ANO3: variants seen among roughly 807,000 people sequenced by gnomAD.
ANO3 encodes the protein anoctamin 3.
A neutral mutation model predicts 144.8 loss-of-function variants in ANO3; 99 were observed. That is an observed-to-expected ratio of 0.68 (90% CI 0.58 to 0.81). The LOEUF (loss-of-function observed/expected upper bound fraction) is 0.81, where lower values mean the gene tolerates loss of function less well. Among genes scored for constraint, ANO3 ranks in the 30% least tolerant of loss-of-function variants. The probability of loss-of-function intolerance (pLI) is 0.00; values close to 1 mark genes in which losing one functional copy is unlikely to be tolerated. For missense variants in ANO3, 905 were observed against 1,202.2 expected, an observed-to-expected ratio of 0.75 and a Z score of 3.66; for synonymous variants, 414 against 392.6, an observed-to-expected ratio of 1.05 and a Z score of -0.64.
chr11:26,582,710 T>C (rs1230209109), intron 14 of ANO3, among the ~76,000 whole-genome samples: 1 of 152,168 alleles, frequency 6.6e-6, no homozygotes, highest in Non-Finnish European at 1.5e-5. Context: ...GTGACTTTTA[T>C]TTTCTTCTTT....
intron 4 of ANO3, among the ~76,000 whole-genome samples, chr11:26,481,661 G>A (rs901371990): frequency 2.6e-5 from 4 of 152,106 alleles, no homozygotes; most frequent in Non-Finnish European, 4.4e-5. Context: ...TTCAAGTATT[G>A]CATGGAGATG....
At chr11:26,423,309 C>CTGTT (rs1554952357) in intron 1 of ANO3, among the ~76,000 whole-genome samples, 9 of 135,172 alleles carry the variant, frequency 6.7e-5, no homozygotes, top group African/African-American at 2.3e-4. Flanking sequence ...TACCTTTATA[C>CTGTT]TTTTTTTTTT....
At chr11:26,638,029 A>G (rs1373474345) in intron 20 of ANO3, among the ~76,000 whole-genome samples, 1 of 152,066 alleles carries the variant, frequency 6.6e-6, no homozygotes, top group East Asian at 1.9e-4. Flanking sequence ...TTGAAAATCT[A>G]AAAAAGCAGA....
chr11:26,292,838 T>C (rs10767517), intron 1 of ANO3, among the ~76,000 whole-genome samples: 38,045 of 152,056 alleles, frequency 0.25, 6,831 homozygotes, highest in African/African-American at 0.51. Flanking sequence ...AGTTGTCAGT[T>C]GGCCCCTACT....
intron 3 of ANO3, among the ~76,000 whole-genome samples, chr11:26,454,031 G>A (rs1422364933): frequency 6.6e-6 from 1 of 151,962 alleles, no homozygotes; most frequent in African/African-American, 2.4e-5. Flanking sequence ...AAACCAACGA[G>A]AACAAAGACA....
intron 1 of ANO3, among the ~76,000 whole-genome samples, chr11:26,284,826 A>C (rs1480631393): frequency 3.3e-5 from 5 of 152,154 alleles, no homozygotes; most frequent in African/African-American, 1.2e-4. Flanking sequence ...GATGACGTGA[A>C]CCTGGGAGGC....
rs72883212 is a variant in ANO3 at position 26,659,954 on chromosome 11, G to A, written c.2764-308G>A. On this transcript the variant is annotated intron_variant, in intron 26 of 26. Coordinates refer to ENST00000256737, the MANE Select transcript of ANO3 (RefSeq NM_031418.4). The stretch of plus-strand genomic sequence containing the variant: ...TCATCTGTGTGTAACAATTCATGTC[G>A]TAATAATATTTCATAATATGTAAAG... Among the ~76,000 whole-genome samples the A allele has an allele frequency of 0.024, 3,714 of 152,112 alleles. 54 individuals carry two copies. Among genetic ancestry groups the A allele is most frequent in the South Asian group, 0.044 (211 of 4,824 alleles).
intron 1 of ANO3, among the ~76,000 whole-genome samples, chr11:26,410,140 T>C (rs1365550169): frequency 6.6e-6 from 1 of 151,976 alleles, no homozygotes; most frequent in African/African-American, 2.4e-5. Context: ...TAAGTATGCA[T>C]TCAGTGTCTA....
intron 4 of ANO3, among the ~76,000 whole-genome samples, chr11:26,502,961 C>T (rs575877916): frequency 5.9e-5 from 9 of 151,896 alleles, no homozygotes; most frequent in Non-Finnish European, 1.2e-4. Context: ...AAATCTCTAC[C>T]ACTATTTTGC....
intron 1 of ANO3, among the ~76,000 whole-genome samples, chr11:26,248,620 G>T (rs565212273): frequency 2.0e-4 from 31 of 152,178 alleles, no homozygotes; most frequent in Non-Finnish European, 3.7e-4. Context: ...TAGCAGAAAT[G>T]AATTGGATTA....
chr11:26,451,537 G>T (rs1264509414), intron 3 of ANO3, among the ~76,000 whole-genome samples: 1 of 152,202 alleles, frequency 6.6e-6, no homozygotes, highest in Non-Finnish European at 1.5e-5. Flanking sequence ...TGGGGGAGGA[G>T]CGCCCGCCAT....
intron 26 of ANO3, among the ~76,000 whole-genome samples, chr11:26,659,560 A>G (rs1417539993): frequency 1.3e-5 from 2 of 151,926 alleles, no homozygotes; most frequent in Admixed American, 6.6e-5. Context: ...ATCCAGGTGT[A>G]GTGGCAGGCA....
chr11:26,344,175 TG>T (rs1855438585), intron 1 of ANO3, among the ~76,000 whole-genome samples: 1 of 152,024 alleles, frequency 6.6e-6, no homozygotes, highest in Non-Finnish European at 1.5e-5. Context: ...ATTCATGGAG[TG>T]AAAGTATGGA....
intron 1 of ANO3, among the ~76,000 whole-genome samples, chr11:26,400,857 T>TAG (rs1303158997): frequency 2.0e-5 from 3 of 150,660 alleles, no homozygotes; most frequent in African/African-American, 7.3e-5. Flanking sequence ...TATATATATA[T>TAG]AGACACACAC....
At chr11:26,255,215 A>C (rs772350459) in intron 1 of ANO3, among the ~76,000 whole-genome samples, 10 of 152,200 alleles carry the variant, frequency 6.6e-5, no homozygotes, top group African/African-American at 1.2e-4. Context: ...TCCTCAGGCA[A>C]CAAAGGCATT....
intron 3 of ANO3, among the ~76,000 whole-genome samples, chr11:26,449,787 G>A (rs1274727049): frequency 6.6e-6 from 1 of 150,508 alleles, no homozygotes; most frequent in Non-Finnish European, 1.5e-5. Context: ...GTATTTTGCT[G>A]TTGTTGCCCA....
exon 1 of ANO3, chr11:26,189,090 A>G: frequency 6.0e-6 from 3 of 501,330 alleles, no homozygotes; most frequent in Non-Finnish European, 7.7e-6. Context: ...GACTGATTAG[A>G]ATACTGTGAT....
intron 1 of ANO3, among the ~76,000 whole-genome samples, chr11:26,376,978 T>C (rs1218736705): frequency 6.6e-6 from 1 of 152,142 alleles, no homozygotes; most frequent in Non-Finnish European, 1.5e-5. Context: ...TTGTTTGTCT[T>C]GGCTGTGGCT....
At chr11:26,368,683 C>A (rs555763899) in intron 1 of ANO3, among the ~76,000 whole-genome samples, 2 of 150,966 alleles carry the variant, frequency 1.3e-5, no homozygotes, top group South Asian at 4.2e-4. Context: ...TGTGTGTGTG[C>A]GTGTGTGTAT....
Sources: allele counts gnomAD v4.1 joint callset (sites outside exome capture counted in the v4.1 genomes callset), GRCh38; gene constraint gnomAD v4.1.1; transcripts MANE v1.5; gene names NCBI Gene and HGNC (gene_info 2026-07-23, HGNC 2026-07-21).